The following TAS1R2 variants were observed in gnomAD, a reference collection of about 807,000 sequenced individuals.
TAS1R2 encodes taste receptor type 1 member 2.
Under a neutral mutation model 49.3 loss-of-function variants are expected in TAS1R2, and 47 were observed. The observed-to-expected ratio is 0.95, with a 90% confidence interval of 0.75 to 1.22. TAS1R2 has a LOEUF of 1.22. TAS1R2 is among the 50% of genes most tolerant of loss of function. The probability of loss-of-function intolerance (pLI) is 0.00; values close to 1 mark genes in which losing one functional copy is unlikely to be tolerated. For missense variants in TAS1R2, 1,155 were observed against 1,122.1 expected, an observed-to-expected ratio of 1.03 and a Z score of -0.42; for synonymous variants, 479 against 467.9, an observed-to-expected ratio of 1.02 and a Z score of -0.31.
At chr1:18,851,728 A>G (rs1013574061) in intron 3 of TAS1R2, among the ~76,000 whole-genome samples, 1 of 152,180 alleles carries the variant, frequency 6.6e-6, no homozygotes, top group African/African-American at 2.4e-5. Flanking sequence ...CAGCACGGGC[A>G]GCACATCTAC....
At chr1:18,840,198 A>G (rs1376225845) in exon 6 of TAS1R2, 2 of 1,614,104 alleles carry the variant, frequency 1.2e-6, no homozygotes, top group Middle Eastern at 1.6e-4. Flanking sequence ...CAGATTGTGA[A>G]GCAGAGGGGA....
chr1:18,852,203 T>G (rs1280786452), intron 3 of TAS1R2, among the ~76,000 whole-genome samples: 1 of 150,422 alleles, frequency 6.6e-6, no homozygotes, highest in Non-Finnish European at 1.5e-5. Context: ...GGGATACCTG[T>G]TATGACAAAA....
rs377488948 is a variant in TAS1R2 at position 18,854,511 on chromosome 1, C to T, written c.959G>A (p.Gly320Asp). ...CTGGATGGTGATGCCCAGGAAGGTG[C>T]CCAAGTGGCGCAGCTCCGTGAGGTT... Residue 320 changes from glycine to aspartate, a missense_variant, in exon 3 of 6, where the codon GGC becomes GAC. Gly to Asp is a moderately conservative substitution (Grantham distance 94). Coordinates refer to ENST00000375371, the Ensembl canonical transcript of TAS1R2. The surrounding 1 kb of genome is among the most constrained non-coding windows in gnomAD (Gnocchi z 4.9). 1.9e-6 allele frequency: 3 copies of T among 1,613,852 alleles called. No individual in the cohort carries two copies. The highest frequency in any genetic ancestry group is 2.5e-6 in the Non-Finnish European group (3 of 1,180,010).
intron 4 of TAS1R2, among the ~76,000 whole-genome samples, chr1:18,847,875 A>G (rs890475538): frequency 6.6e-6 from 1 of 152,252 alleles, no homozygotes; most frequent in African/African-American, 2.4e-5. Context: ...AGGCCTCACA[A>G]TCATGGCAGA....
At chr1:18,843,341 G>A (rs1389243452) in intron 4 of TAS1R2, among the ~76,000 whole-genome samples, 1 of 152,200 alleles carries the variant, frequency 6.6e-6, no homozygotes, top group Non-Finnish European at 1.5e-5. Flanking sequence ...GGTTGGGGGT[G>A]CTGTTACATT....
At chr1:18,859,220 C>T (rs1934196144) in intron 1 of TAS1R2, among the ~76,000 whole-genome samples, 1 of 152,124 alleles carries the variant, frequency 6.6e-6, no homozygotes, top group African/African-American at 2.4e-5. Flanking sequence ...CATTCTGTAA[C>T]TCTATTTAAA....
chr1:18,842,017 G>A (rs1399224601), intron 4 of TAS1R2, among the ~76,000 whole-genome samples, 165 bp from the exon 5 acceptor site: 2 of 151,732 alleles, frequency 1.3e-5, no homozygotes, highest in Non-Finnish European at 2.9e-5. Flanking sequence ...GCTTCTAGCA[G>A]GGGATAAGGA....
At chr1:18,849,277 C>A (rs1354900621) in intron 4 of TAS1R2, 64 bp downstream of exon 4, 4 of 1,566,556 alleles carry the variant, frequency 2.6e-6, no homozygotes, top group Non-Finnish European at 3.5e-6. Flanking sequence ...AGGGCCCTAG[C>A]CACTCCAGCA....
At position 18,854,364 on chromosome 1, in the gene TAS1R2, G is replaced by T; in HGVS notation, c.1106C>A (p.Ala369Asp). Residue 369 changes from alanine (A) to aspartate (D), a missense_variant, in exon 3 of 6, where the codon GCC becomes GAC. By Grantham distance (126) the Ala-to-Asp change is moderately radical. Transcript: ENST00000375371. The surrounding 1 kb of genome is among the most constrained non-coding windows in gnomAD (Gnocchi z 4.9). The stretch of plus-strand genomic sequence containing the variant: ...GAGAATGGTGTTGAAGGACAAGGTG[G>T]CGTTCAGGCAGTTGTCGCACTCCTG... The T allele has an allele frequency of 6.2e-7, 1 of 1,613,948 alleles. No homozygotes were observed. Among genetic ancestry groups the T allele is most frequent in the Non-Finnish European group, 8.5e-7 (1 of 1,179,910 alleles).
At chr1:18,856,276 GTTC>G (rs1473780456) in intron 2 of TAS1R2, among the ~76,000 whole-genome samples, 120 of 152,174 alleles carry the variant, frequency 7.9e-4, no homozygotes, top group Non-Finnish European at 2.1e-4. Flanking sequence ...TTCTTGGAAT[GTTC>G]TTCTGCTAGG....
At chr1:18,844,296 G>A (rs1411719292) in intron 4 of TAS1R2, among the ~76,000 whole-genome samples, 1 of 152,198 alleles carries the variant, frequency 6.6e-6, no homozygotes, top group Non-Finnish European at 1.5e-5. Flanking sequence ...TGGTTGTTCA[G>A]GGGCCTGGAA....
intron 3 of TAS1R2, among the ~76,000 whole-genome samples, chr1:18,850,312 T>G (rs1381146124): frequency 6.6e-6 from 1 of 152,242 alleles, no homozygotes; most frequent in African/African-American, 2.4e-5. Context: ...TGGACCTGGC[T>G]CCTAGATTTT....
At chr1:18,849,352 T>C (rs28374389) in exon 4 of TAS1R2, 317,817 of 1,613,740 alleles carry the variant, frequency 0.2, 33,166 homozygotes, top group Non-Finnish European at 0.21. Flanking sequence ...GTGTTGTTGA[T>C]GGTGTGCCAG....
chr1:18,849,851 C>T (rs1189968918), intron 3 of TAS1R2, among the ~76,000 whole-genome samples: 1 of 152,178 alleles, frequency 6.6e-6, no homozygotes, highest in Non-Finnish European at 1.5e-5. Context: ...AAAACTCTAT[C>T]TTCTGGGCTT....
intron 3 of TAS1R2, among the ~76,000 whole-genome samples, chr1:18,849,885 A>G (rs959248236): frequency 1.3e-5 from 2 of 152,182 alleles, no homozygotes; most frequent in African/African-American, 4.8e-5. Context: ...AAGTTCATCT[A>G]TGTTAGAGAC....
At chr1:18,840,311 A>G (rs1225776879) in exon 6 of TAS1R2, 7 of 1,614,088 alleles carry the variant, frequency 4.3e-6, no homozygotes, top group Non-Finnish European at 5.9e-6. Flanking sequence ...CAGGAAGCAC[A>G]TGGGGCCCCC....
chr1:18,844,696 A>G (rs557545039), intron 4 of TAS1R2, among the ~76,000 whole-genome samples: 1 of 152,204 alleles, frequency 6.6e-6, no homozygotes, highest in East Asian at 1.9e-4. Context: ...GGAGGTTGCA[A>G]TGAGCCAAGA....
chr1:18,847,855 A>G (rs560305405), intron 4 of TAS1R2, among the ~76,000 whole-genome samples: 108 of 152,360 alleles, frequency 7.1e-4, no homozygotes, highest in African/African-American at 2.2e-3. Flanking sequence ...ACAGTTCCAC[A>G]TGGCTGGGGA....
chr1:18,848,801 C>G (rs1226414774), intron 4 of TAS1R2, among the ~76,000 whole-genome samples: 1 of 152,220 alleles, frequency 6.6e-6, no homozygotes, highest in African/African-American at 2.4e-5. Context: ...CCATCACCCC[C>G]AGATGGGATC....
Sources: allele counts gnomAD v4.1 joint callset (sites outside exome capture counted in the v4.1 genomes callset), GRCh38; gene constraint gnomAD v4.1.1; non-coding constraint Gnocchi (gnomAD v3.1); transcripts MANE v1.5; gene names NCBI Gene and HGNC (gene_info 2026-07-23, HGNC 2026-07-21).